Variants in MAPT observed in about 807,000 individuals in gnomAD.
MAPT encodes the protein microtubule-associated protein tau.
MAPT carries 34 observed loss-of-function variants against 67.9 expected under a neutral mutation model. The observed-to-expected ratio is 0.50, with a 90% CI of 0.38 to 0.67. The LOEUF (loss-of-function observed/expected upper bound fraction) is 0.67. MAPT is among the 30% of genes least tolerant of loss of function. The probability of loss-of-function intolerance (pLI) is 0.00; values close to 1 mark genes in which losing one functional copy is unlikely to be tolerated. For synonymous variants in MAPT, 456 were observed against 464.5 expected, an observed-to-expected ratio of 0.98 and a Z score of 0.23; for missense variants, 881 against 1,115.2, an observed-to-expected ratio of 0.79 and a Z score of 2.99.
intron 1 of MAPT, among the ~76,000 whole-genome samples, chr17:45,949,899 A>G (rs1434760891): frequency 1.3e-5 from 2 of 152,216 alleles, no homozygotes; most frequent in Non-Finnish European, 2.9e-5. Context: ...GGAAACCTAC[A>G]GACCTGCTAG....
chr17:45,916,012 C>T (rs1400508146), intron 1 of MAPT, among the ~76,000 whole-genome samples: 4 of 152,304 alleles, frequency 2.6e-5, no homozygotes, highest in Middle Eastern at 3.4e-3. Flanking sequence ...GAGTAACTTC[C>T]GTGGGCGGAT....
At chr17:46,003,804 T>C (rs1023910531) in intron 9 of MAPT, among the ~76,000 whole-genome samples, 3 of 152,196 alleles carry the variant, frequency 2.0e-5, no homozygotes, top group African/African-American at 7.2e-5. Context: ...TCTGTAACTC[T>C]GAGACCCTCC....
intron 9 of MAPT, among the ~76,000 whole-genome samples, chr17:46,001,830 A>G (rs905073001): frequency 2.0e-5 from 3 of 152,222 alleles, no homozygotes; most frequent in Admixed American, 1.3e-4. Flanking sequence ...GGCCAGTCAC[A>G]GCAGCAGGAG....
At chr17:45,933,591 G>A (rs1481077753) in intron 1 of MAPT, among the ~76,000 whole-genome samples, 1 of 151,136 alleles carries the variant, frequency 6.6e-6, no homozygotes. Context: ...TTGTCCTGAG[G>A]CAGCTGCTCC....
intron 4 of MAPT, 69 bp from the exon 5 acceptor site, chr17:45,982,797 G>A: frequency 1.2e-6 from 1 of 834,188 alleles, no homozygotes; most frequent in Non-Finnish European, 1.5e-6. Flanking sequence ...TGTCCAGGAT[G>A]ATGCTCCCTC....
chr17:45,965,878 C>A (rs1202532548), intron 2 of MAPT, among the ~76,000 whole-genome samples: 1 of 152,212 alleles, frequency 6.6e-6, no homozygotes, highest in Non-Finnish European at 1.5e-5. Flanking sequence ...CTCACAACAG[C>A]CCGTGAGGGT....
At chr17:45,900,073 C>G (rs957736080) in intron 1 of MAPT, among the ~76,000 whole-genome samples, 1 of 152,162 alleles carries the variant, frequency 6.6e-6, no homozygotes, top group African/African-American at 2.4e-5. Flanking sequence ...CTGATGAGGC[C>G]TGCTCTGAGA....
intron 1 of MAPT, among the ~76,000 whole-genome samples, chr17:45,950,164 C>T (rs1158011690): frequency 1.3e-5 from 2 of 152,148 alleles, no homozygotes; most frequent in African/African-American, 2.4e-5. Flanking sequence ...CGCCATCCTG[C>T]CCACCTCACA....
At chr17:45,999,494 C>A (rs775654112) in intron 9 of MAPT, 1 of 1,613,996 alleles carries the variant, frequency 6.2e-7, no homozygotes, top group East Asian at 2.2e-5. Flanking sequence ...GGTGTGGGCA[C>A]CATTTGGCCC....
intron 1 of MAPT, among the ~76,000 whole-genome samples, chr17:45,923,680 A>C (rs1389507156): frequency 2.0e-5 from 3 of 152,232 alleles, no homozygotes. Context: ...TTCTTGAATA[A>C]TACAACCAGT....
chr17:45,938,345 T>C (rs935933790), intron 1 of MAPT, among the ~76,000 whole-genome samples: 1 of 152,168 alleles, frequency 6.6e-6, no homozygotes, highest in Non-Finnish European at 1.5e-5. Flanking sequence ...GTCAGAAAAA[T>C]TTTCCATCAA....
intron 4 of MAPT, among the ~76,000 whole-genome samples, chr17:45,980,952 C>T (rs2072891690): frequency 6.6e-6 from 1 of 152,224 alleles, no homozygotes; most frequent in South Asian, 2.1e-4. Context: ...ACCAGTTGAT[C>T]TGTGCAGGAT....
chr17:45,973,264 A>T (rs1343445996), intron 3 of MAPT: 4 of 152,166 alleles, frequency 2.6e-5, no homozygotes, highest in Non-Finnish European at 2.9e-5. Context: ...GAATATCCAG[A>T]TCAGATTCTC....
At chr17:45,953,467 CA>C (rs1465448601) in intron 1 of MAPT, among the ~76,000 whole-genome samples, 24 of 152,232 alleles carry the variant, frequency 1.6e-4, no homozygotes, top group African/African-American at 5.8e-4. Flanking sequence ...TTTCCTGTCC[CA>C]GGATCAGGGT....
At chr17:45,922,637 C>T (rs931934049) in intron 1 of MAPT, among the ~76,000 whole-genome samples, 6 of 152,094 alleles carry the variant, frequency 3.9e-5, no homozygotes, top group Non-Finnish European at 5.9e-5. Context: ...ACAGGCATTA[C>T]CTGAAACCTC....
At chr17:45,902,193 T>C (rs2063659578) in intron 1 of MAPT, among the ~76,000 whole-genome samples, 1 of 152,132 alleles carries the variant, frequency 6.6e-6, no homozygotes, top group Non-Finnish European at 1.5e-5. Flanking sequence ...CGCCTCAGCC[T>C]CCGCCGTAGC....
In MAPT at chr17:45,996,806, C is replaced by T. The variant is rs1047550784; in HGVS notation, c.1998+142C>T. 46 of 1,172,248 alleles carry T rather than the reference C, an allele frequency of 3.9e-5. No individual in the cohort carries two copies. The highest frequency in any genetic ancestry group is 5.2e-5 in the Non-Finnish European group (44 of 842,202). The allele number at this position is 1,172,248 out of a possible 1,614,324, so 72.6% of individuals were successfully genotyped here. On this transcript the variant is annotated intron_variant, in intron 9 of 12. Coordinates refer to ENST00000262410, the MANE Select transcript of MAPT (RefSeq NM_001377265.1). This position sits in a 1 kb window ranked among gnomAD's most constrained non-coding sequence, Gnocchi z 4.5. ...CTGTGCATGGAGGTGTGGGGCTCCC[C>T]GCACCTGAGCACCCCCGCATAACAC...
At chr17:45,909,084 G>T (rs542094918) in intron 1 of MAPT, among the ~76,000 whole-genome samples, 1 of 152,324 alleles carries the variant, frequency 6.6e-6, no homozygotes, top group East Asian at 1.9e-4. Flanking sequence ...CAGAGTGCGG[G>T]CACCTTGGCA....
chr17:45,960,785 C>T (rs2070308858), intron 1 of MAPT, among the ~76,000 whole-genome samples: 1 of 150,328 alleles, frequency 6.7e-6, no homozygotes, highest in South Asian at 2.1e-4. Flanking sequence ...AGACCCCCGT[C>T]CCCACTCCCC....
Sources: allele counts gnomAD v4.1 joint callset (sites outside exome capture counted in the v4.1 genomes callset), GRCh38; gene constraint gnomAD v4.1.1; non-coding constraint Gnocchi (gnomAD v3.1); transcripts MANE v1.5; gene names NCBI Gene and HGNC (gene_info 2026-07-23, HGNC 2026-07-21).